The following SCARA5 variants were observed in gnomAD, a reference collection of about 807,000 sequenced individuals.
The protein encoded by SCARA5 is scavenger receptor class A, member 5 (putative).
A neutral mutation model predicts 46.3 loss-of-function variants in SCARA5; 45 were observed. The observed-to-expected ratio is 0.97, with a 90% CI of 0.76 to 1.24. The LOEUF is 1.24. Ranked by LOEUF, SCARA5 falls within the 50% of genes most tolerant of loss-of-function variation. The pLI, the probability that SCARA5 is intolerant of heterozygous loss-of-function variation, is 0.00. For missense variants in SCARA5, 680 were observed against 689.0 expected, an observed-to-expected ratio of 0.99 and a Z score of 0.15; for synonymous variants, 333 against 306.5, an observed-to-expected ratio of 1.09 and a Z score of -0.90.
chr8:27,893,093 C>A (rs955241511), intron 7 of SCARA5, among the ~76,000 whole-genome samples: 2 of 152,098 alleles, frequency 1.3e-5, no homozygotes, highest in Non-Finnish European at 2.9e-5. Flanking sequence ...CACCAGTGGC[C>A]AAGCAGGGAT....
intron 3 of SCARA5, among the ~76,000 whole-genome samples, chr8:27,957,716 A>T (rs183840974): frequency 3.3e-5 from 5 of 152,358 alleles, no homozygotes; most frequent in East Asian, 3.9e-4. Flanking sequence ...TCTAAGTCTC[A>T]GTTTCCTCAT....
intron 7 of SCARA5, among the ~76,000 whole-genome samples, chr8:27,891,663 C>T (rs1806986441): frequency 6.6e-6 from 1 of 152,222 alleles, no homozygotes; most frequent in Non-Finnish European, 1.5e-5. Flanking sequence ...GATGCAGAAG[C>T]CTCACTGTGA....
intron 8 of SCARA5, among the ~76,000 whole-genome samples, chr8:27,876,632 C>T (rs1806728871): frequency 6.6e-6 from 1 of 152,140 alleles, no homozygotes; most frequent in Non-Finnish European, 1.5e-5. Flanking sequence ...CATCCGAGTG[C>T]ACCTGTCAGG....
intron 3 of SCARA5, among the ~76,000 whole-genome samples, chr8:27,950,215 G>A (rs545614931): frequency 6.6e-6 from 1 of 151,504 alleles, no homozygotes; most frequent in South Asian, 2.1e-4. Context: ...GCTGAGGCAG[G>A]GACACCCACA....
chr8:27,938,771 C>A (rs1226305649), intron 3 of SCARA5, among the ~76,000 whole-genome samples: 1 of 152,110 alleles, frequency 6.6e-6, no homozygotes, highest in Non-Finnish European at 1.5e-5. Flanking sequence ...CTGGATTTCA[C>A]TTTGTACACA....
intron 3 of SCARA5, among the ~76,000 whole-genome samples, chr8:27,945,171 A>G (rs988269836): frequency 1.3e-5 from 2 of 151,994 alleles, no homozygotes; most frequent in African/African-American, 4.8e-5. Flanking sequence ...TAAAAAAATA[A>G]TAATAAATTG....
At chr8:27,977,889 G>A (rs1262935358) in intron 2 of SCARA5, among the ~76,000 whole-genome samples, 1 of 152,218 alleles carries the variant, frequency 6.6e-6, no homozygotes, top group Non-Finnish European at 1.5e-5. Context: ...GGATTTTGAA[G>A]ACTCAGCATG....
chr8:27,978,024 G>GTTTTTTTTTTTTTTTT (rs11357387), intron 2 of SCARA5, among the ~76,000 whole-genome samples: 1 of 106,636 alleles, frequency 9.4e-6, no homozygotes, highest in Non-Finnish European at 1.9e-5. Context: ...TGTGTCTTTT[G>GTTTTTTTTTTTTTTTT]TTTTTTTTTT....
chr8:27,984,876 C>T (rs945771665), intron 2 of SCARA5, among the ~76,000 whole-genome samples: 2 of 152,150 alleles, frequency 1.3e-5, no homozygotes, highest in African/African-American at 2.4e-5. Context: ...TCCATCCATT[C>T]ATTCATTTAC....
intron 2 of SCARA5, among the ~76,000 whole-genome samples, chr8:27,967,304 T>C (rs758300010): frequency 2.0e-5 from 3 of 152,190 alleles, no homozygotes; most frequent in Non-Finnish European, 2.9e-5. Context: ...ACCCCTTTGT[T>C]GTACAGATAA....
intron 4 of SCARA5, among the ~76,000 whole-genome samples, chr8:27,912,065 T>G (rs896178846): frequency 5.9e-5 from 9 of 152,190 alleles, no homozygotes; most frequent in African/African-American, 2.2e-4. Flanking sequence ...AACGTGGCCC[T>G]GTGGATACCT....
chr8:27,966,686 G>T, intron 2 of SCARA5, 144 bp from the exon 3 acceptor site: 3 of 835,808 alleles, frequency 3.6e-6, no homozygotes, highest in Non-Finnish European at 5.4e-6. Context: ...CTAGAATGCA[G>T]CCACTTGATG....
At chr8:27,929,143 A>G (rs1038759128) in intron 3 of SCARA5, among the ~76,000 whole-genome samples, 11 of 152,238 alleles carry the variant, frequency 7.2e-5, no homozygotes, top group South Asian at 2.1e-4. Flanking sequence ...GTAATAATCT[A>G]TGATTAATGT....
At chr8:27,886,512 A>T (rs1806897726) in intron 7 of SCARA5, among the ~76,000 whole-genome samples, 1 of 152,150 alleles carries the variant, frequency 6.6e-6, no homozygotes, top group African/African-American at 2.4e-5. Context: ...TGATTCAGGA[A>T]CTCAGAGTCT....
intron 7 of SCARA5, among the ~76,000 whole-genome samples, chr8:27,901,937 C>T (rs555180781): frequency 6.6e-6 from 1 of 152,310 alleles, no homozygotes; most frequent in Admixed American, 6.5e-5. Context: ...CCCCTATGGG[C>T]CTCTGAAAAT....
chr8:27,959,230 C>T (rs961565291), intron 3 of SCARA5, among the ~76,000 whole-genome samples: 2 of 151,976 alleles, frequency 1.3e-5, no homozygotes, highest in African/African-American at 4.8e-5. Flanking sequence ...GAGACTCTGT[C>T]TCAAAAAGAA....
intron 3 of SCARA5, among the ~76,000 whole-genome samples, chr8:27,964,063 C>T (rs1808328592): frequency 6.6e-6 from 1 of 152,172 alleles, no homozygotes; most frequent in Non-Finnish European, 1.5e-5. Flanking sequence ...GTGGATCTCC[C>T]CTGACCCCTG....
At chr8:27,904,860 T>C in intron 6 of SCARA5, 26 bp from the exon 7 acceptor site, 2 of 1,567,262 alleles carry the variant, frequency 1.3e-6, no homozygotes. Context: ...AAACTGGCAT[T>C]AGAAATGGAA....
intron 8 of SCARA5, among the ~76,000 whole-genome samples, chr8:27,877,770 C>A (rs1806748032): frequency 6.6e-6 from 1 of 152,146 alleles, no homozygotes. Context: ...TCCCTTCGAA[C>A]TCGCCCCTCA....
Sources: allele counts gnomAD v4.1 joint callset (sites outside exome capture counted in the v4.1 genomes callset), GRCh38; gene constraint gnomAD v4.1.1; transcripts MANE v1.5; gene names NCBI Gene and HGNC (gene_info 2026-07-23, HGNC 2026-07-21).